Variants in EXOSC9 observed in about 807,000 individuals in gnomAD.
EXOSC9 encodes the protein exosome component 9.
EXOSC9 carries 38 observed loss-of-function variants against 56.5 expected under a neutral mutation model. The ratio of observed to expected loss-of-function variants is 0.67; its 90% confidence interval spans 0.52 to 0.88. EXOSC9 has a LOEUF of 0.88. EXOSC9 is among the 40% of genes least tolerant of loss of function. The pLI is 0.00. For synonymous variants in EXOSC9, 170 were observed against 170.8 expected, an observed-to-expected ratio of 0.99 and a Z score of 0.04; for missense variants, 559 against 530.5, an observed-to-expected ratio of 1.05 and a Z score of -0.53.
At chr4:121,806,512 C>T (rs537884043) in intron 5 of EXOSC9, among the ~76,000 whole-genome samples, 138 of 152,122 alleles carry the variant, frequency 9.1e-4, no homozygotes, top group African/African-American at 3.1e-3. Context: ...CTAGCAATTC[C>T]ATGCCTAAGA....
chr4:121,815,248 A>G (rs1724450572), intron 10 of EXOSC9: 2 of 360,664 alleles, frequency 5.5e-6, no homozygotes, highest in Non-Finnish European at 3.9e-6. Context: ...GAATATAACT[A>G]GTTGGTTTAA....
At position 121,817,019 on chromosome 4, in the gene EXOSC9, G is replaced by A. The variant is rs1278210613; in HGVS notation, c.*163G>A. On this transcript the variant is annotated 3_prime_UTR_variant, in exon 12 of 12. Coordinates refer to ENST00000243498, the MANE Select transcript of EXOSC9 (RefSeq NM_005033.3). ...GCTTTAAAATAATAAACCTTCTGGA[G>A]CATTTCTCGTCTGTTAATTTGCATA... The A allele has an allele frequency of 4.3e-6, 3 of 697,408 alleles. No individual in the cohort carries two copies. Among genetic ancestry groups the A allele is most frequent in the South Asian group, 5.0e-5 (2 of 39,642 alleles). 43.2% of individuals were successfully genotyped at this position (697,408 alleles called of 1,614,324 possible). A position where few individuals can be genotyped will look rare whatever the true frequency, so the allele number is the denominator to read the frequency against.
intron 2 of EXOSC9, among the ~76,000 whole-genome samples, 181 bp downstream of exon 2, chr4:121,802,102 C>A (rs1313157405): frequency 1.3e-5 from 2 of 152,168 alleles, no homozygotes; most frequent in Non-Finnish European, 2.9e-5. Context: ...ACTTTTTAAT[C>A]ATAAACGTAT....
chr4:121,816,539 CTA>C (rs1490484041), intron 11 of EXOSC9, 92 bp downstream of exon 11: 1 of 897,728 alleles, frequency 1.1e-6, no homozygotes. Context: ...TGCCACATGA[CTA>C]TAAACAAAAA....
In EXOSC9 at chr4:121,801,377, C is replaced by A; in HGVS notation, c.-48C>A. ...CGGCGCGCAAGGAAAGATCGGGTTC[C>A]GTTTTTCCCGCGGATTCTGGTGCCT... On this transcript the variant is annotated 5_prime_UTR_variant, in exon 1 of 12. Transcript: ENST00000243498. The A allele has an allele frequency of 6.4e-7, 1 of 1,564,868 alleles. No individual in the cohort carries two copies. Among genetic ancestry groups the A allele is most frequent in the Non-Finnish European group, 8.8e-7 (1 of 1,135,224 alleles).
chr4:121,816,823 G>T lies in EXOSC9; in HGVS notation c.1287G>T (p.Val429=). 1 of 1,598,194 alleles carries T rather than the reference G, an allele frequency of 6.3e-7. No homozygotes were observed. Among genetic ancestry groups the T allele is most frequent in the Admixed American group, 1.7e-5 (1 of 58,316 alleles). ...AAAAAGCACCAAGTAAAAAGCCAGTGAAAAGAAGAAAAAAGAAGAGAGCTG... is the reference window on the plus strand; with the variant it reads ...AAAAAGCACCAAGTAAAAAGCCAGTTAAAAGAAGAAAAAAGAAGAGAGCTG... ...KQEKAPSKKP[V]KRRKKKRAAN Residue 429 remains valine, a synonymous_variant, in exon 12 of 12, where the codon GTG becomes GTT. Transcript: ENST00000243498.
At chr4:121,811,115 ACTTT>A (rs1727198539) in intron 7 of EXOSC9, among the ~76,000 whole-genome samples, 1 of 152,174 alleles carries the variant, frequency 6.6e-6, no homozygotes, top group African/African-American at 2.4e-5. Flanking sequence ...TTTGGGTCTC[ACTTT>A]CTTTATCTGT....
chr4:121,807,004 G>A (rs1484560281), intron 5 of EXOSC9, among the ~76,000 whole-genome samples: 5 of 152,118 alleles, frequency 3.3e-5, no homozygotes, highest in Non-Finnish European at 7.4e-5. Flanking sequence ...TAAAATGAGT[G>A]GATTTTGGCT....
In EXOSC9 at chr4:121,801,448, C is replaced by T; in HGVS notation, c.24C>T (p.Asn8=). 1 of 1,614,236 alleles carries T rather than the reference C, an allele frequency of 6.2e-7. No individual in the cohort carries two copies. Among genetic ancestry groups the T allele is most frequent in the Non-Finnish European group, 8.5e-7 (1 of 1,180,036 alleles). Residue 8 remains asparagine (N), a synonymous_variant, in exon 1 of 12, where the codon AAC becomes AAT. Coordinates refer to ENST00000243498, the MANE Select transcript of EXOSC9 (RefSeq NM_005033.3). Reference sequence around the variant, plus strand: ...CCATGAAGGAAACGCCACTCTCAAACTGCGAACGCCGCTTCCTACTCCGTG... The same window carrying T: ...CCATGAAGGAAACGCCACTCTCAAATTGCGAACGCCGCTTCCTACTCCGTG... The part of the protein sequence containing the change: MKETPLS[N]CERRFLLRAI...
At chr4:121,804,790 T>G in intron 5 of EXOSC9, 31 bp downstream of exon 5, 2 of 1,533,132 alleles carry the variant, frequency 1.3e-6, no homozygotes, top group African/African-American at 1.4e-5. Context: ...GGATCCTTGA[T>G]ATGAATGAAT....
At chr4:121,816,346 T>C in intron 10 of EXOSC9, 23 bp from the exon 11 acceptor site, 1 of 1,354,738 alleles carries the variant, frequency 7.4e-7, no homozygotes, top group Non-Finnish European at 1.0e-6. Flanking sequence ...TTTTTTTTTT[T>C]TTAAATTAAT....
chr4:121,807,028 C>G (rs1473513613), intron 5 of EXOSC9, among the ~76,000 whole-genome samples: 1 of 152,194 alleles, frequency 6.6e-6, no homozygotes, highest in Non-Finnish European at 1.5e-5. Flanking sequence ...CGTGGTGGCT[C>G]ACACCTGTAA....
intron 2 of EXOSC9, 145 bp downstream of exon 2, chr4:121,802,066 T>C: frequency 1.6e-6 from 1 of 640,034 alleles, no homozygotes; most frequent in Non-Finnish European, 2.7e-6. Flanking sequence ...TTATGCGAGA[T>C]TTTTTGCTTT....
chr4:121,811,788 G>A, intron 8 of EXOSC9, 117 bp downstream of exon 8: 1 of 490,306 alleles, frequency 2.0e-6, no homozygotes, highest in Non-Finnish European at 3.6e-6. Context: ...TACAAAGTTA[G>A]AATGGCAATT....
intron 4 of EXOSC9, 175 bp from the exon 5 acceptor site, chr4:121,804,447 T>C (rs1726960528): frequency 2.1e-6 from 1 of 476,656 alleles, no homozygotes; most frequent in South Asian, 4.2e-5. Context: ...CCACATAGTA[T>C]TTCAGATGTT....
intron 11 of EXOSC9, 112 bp downstream of exon 11, chr4:121,816,559 C>T: frequency 2.4e-6 from 2 of 833,342 alleles, no homozygotes; most frequent in Non-Finnish European, 1.8e-6. Context: ...AAAGACATCC[C>T]TTTTTCATTA....
intron 10 of EXOSC9, chr4:121,815,423 G>A: frequency 1.0e-6 from 1 of 985,070 alleles, no homozygotes; most frequent in Non-Finnish European, 1.2e-6. Context: ...GAAAAATGGA[G>A]CAGGTACAGC....
chr4:121,814,922 A>G (rs1369447980), intron 10 of EXOSC9: 1 of 152,228 alleles, frequency 6.6e-6, no homozygotes, highest in East Asian at 1.9e-4. Context: ...ACGTGGTAAG[A>G]ACAGAAATCC....
Position 121,801,367 on chromosome 4 carries a change from G to A in EXOSC9, c.-58G>A, listed in dbSNP as rs886941692. 3 of 1,521,370 alleles carry A rather than the reference G, an allele frequency of 2.0e-6. No homozygotes were observed. Among genetic ancestry groups the A allele is most frequent in the African/African-American group, 2.7e-5 (2 of 73,078 alleles). 94.2% of individuals were successfully genotyped at this position (1,521,370 alleles called of 1,614,324 possible). ...GGGCGAGCAGCGGCGCGCAAGGAAA[G>A]ATCGGGTTCCGTTTTTCCCGCGGAT... On this transcript the variant is annotated 5_prime_UTR_variant, in exon 1 of 12. Transcript: ENST00000243498.
Sources: allele counts gnomAD v4.1 joint callset (sites outside exome capture counted in the v4.1 genomes callset), GRCh38; gene constraint gnomAD v4.1.1; transcripts MANE v1.5; gene names NCBI Gene and HGNC (gene_info 2026-07-23, HGNC 2026-07-21).